Variants in ZBTB46 observed in about 807,000 individuals in gnomAD.
ZBTB46 encodes the protein zinc finger and BTB domain-containing protein 46.
In ZBTB46, 8 loss-of-function variants were observed where a neutral mutation model predicts 44.1. The observed-to-expected ratio is 0.18, with a 90% CI of 0.11 to 0.33. The LOEUF is 0.33. Among genes scored for constraint, ZBTB46 ranks in the 10% least tolerant of loss-of-function variants. ZBTB46 has a pLI of 1.00. For synonymous variants in ZBTB46, 409 were observed against 382.3 expected (o/e 1.07, Z -0.81); for missense variants, 651 against 847.7 (o/e 0.77, Z 2.88).
chr20:63,787,190 C>A lies in ZBTB46; in HGVS notation c.937+2631G>T, dbSNP rs1288488879. Among the ~76,000 whole-genome samples, 3 of 152,220 alleles carry A rather than the reference C, an allele frequency of 2.0e-5. No individual in the cohort carries two copies. Among genetic ancestry groups the A allele is most frequent in the Middle Eastern group, 3.4e-3 (1 of 292 alleles). ...AAGGGCATTTTGGTCAGGGATGGAC[C>A]ACAGATAACCACTGTGGTCCCGTAG... On this transcript the variant is annotated intron_variant, in intron 2 of 4. Transcript: ENST00000245663. This position sits in a 1 kb window ranked among gnomAD's most constrained non-coding sequence, Gnocchi z 4.6.
intron 3 of ZBTB46, among the ~76,000 whole-genome samples, chr20:63,753,108 T>A (rs988345865): frequency 2.6e-5 from 4 of 152,130 alleles, no homozygotes; most frequent in Non-Finnish European, 5.9e-5. Context: ...GCCCCAGCTC[T>A]CAGGAGATCT....
At chr20:63,801,466 G>C (rs1272069583) in intron 1 of ZBTB46, among the ~76,000 whole-genome samples, 1 of 152,198 alleles carries the variant, frequency 6.6e-6, no homozygotes, top group East Asian at 1.9e-4. Flanking sequence ...ATGTGGGTGG[G>C]GCCAGGTAAG....
At position 63,743,979 on chromosome 20, in the gene ZBTB46, CTTTT is replaced by C. The variant is rs1274005872; in HGVS notation, c.*2947_*2950del. The C allele has an allele frequency of 2.0e-5, 3 of 152,470 alleles. No individual in the cohort carries two copies. Among genetic ancestry groups the C allele is most frequent in the Admixed American group, 1.3e-4 (2 of 15,270 alleles). The allele number at this position is 152,470 out of a possible 1,614,324, so 9.4% of individuals were successfully genotyped here. ...AAATCAACAATCTTCAAACACTGCC[CTTTT>C]TTTGTGTGTTTTGTTTTTGTTGACA... is the stretch of plus-strand genomic sequence containing the variant. On this transcript the variant is annotated 3_prime_UTR_variant, in exon 5 of 5. Coordinates refer to ENST00000245663, the MANE Select transcript of ZBTB46 (RefSeq NM_001369741.1).
intron 2 of ZBTB46, among the ~76,000 whole-genome samples, chr20:63,788,665 C>T (rs971274011): frequency 2.9e-4 from 44 of 151,910 alleles, no homozygotes; most frequent in Non-Finnish European, 2.5e-4. Context: ...ATGGTGAAAC[C>T]CTGTCTCTAC....
chr20:63,822,652 G>A (rs1055721794), intron 1 of ZBTB46, among the ~76,000 whole-genome samples: 51 of 152,246 alleles, frequency 3.3e-4, no homozygotes, highest in African/African-American at 1.2e-3. Flanking sequence ...ACCACACGGC[G>A]AGCACAGGAC....
At chr20:63,749,772 C>G (rs1215007515) in intron 4 of ZBTB46, among the ~76,000 whole-genome samples, 1 of 152,210 alleles carries the variant, frequency 6.6e-6, no homozygotes, top group African/African-American at 2.4e-5. Context: ...AACACTGAGG[C>G]CCCTTGAGGC....
At chr20:63,778,987 G>A (rs2092446936) in intron 2 of ZBTB46, among the ~76,000 whole-genome samples, 1 of 152,116 alleles carries the variant, frequency 6.6e-6, no homozygotes, top group African/African-American at 2.4e-5. Flanking sequence ...ACCTGCAGAT[G>A]GCGGCAGGTG....
intron 2 of ZBTB46, among the ~76,000 whole-genome samples, chr20:63,783,553 G>C (rs905184235): frequency 7.9e-5 from 12 of 152,202 alleles, no homozygotes; most frequent in African/African-American, 2.9e-4. Flanking sequence ...CCCGTCACCA[G>C]CTGCTCCCCA....
rs2092661882 is a variant in ZBTB46, at chr20:63,803,414, G to A, written c.-33-12624C>T. The A allele has an allele frequency of 1.5e-5, 15 of 985,316 alleles. No individual in the cohort carries two copies. In the South Asian group the frequency reaches 4.7e-4, roughly 31 times the overall value. The allele number at this position is 985,316 out of a possible 1,614,324, so 61.0% of individuals were successfully genotyped here. ...CACTCCAAGACATGTTAGCAGAGTC[G>A]TCTTTCGACAGCGAGACCGGTGGTA... On this transcript the variant is annotated intron_variant, in intron 1 of 4. Coordinates refer to ENST00000245663, the MANE Select transcript of ZBTB46 (RefSeq NM_001369741.1). The surrounding 1 kb of genome is among the most constrained non-coding windows in gnomAD (Gnocchi z 4.0).
chr20:63,749,735 G>A (rs146329200), intron 4 of ZBTB46, among the ~76,000 whole-genome samples: 292 of 152,378 alleles, frequency 1.9e-3, no homozygotes, highest in African/African-American at 6.6e-3. Context: ...CACAGGCCCA[G>A]GAAGGGTTGG....
chr20:63,794,505 T>C (rs1270291234), intron 1 of ZBTB46, among the ~76,000 whole-genome samples: 1 of 152,110 alleles, frequency 6.6e-6, no homozygotes, highest in African/African-American at 2.4e-5. Context: ...AAAACGATAA[T>C]CTTCAAAAGA....
intron 1 of ZBTB46, among the ~76,000 whole-genome samples, chr20:63,810,548 C>T (rs952959554): frequency 3.3e-5 from 5 of 152,144 alleles, no homozygotes; most frequent in African/African-American, 9.7e-5. Flanking sequence ...GAGTTTGAGA[C>T]CGTCCTGGCC....
intron 2 of ZBTB46, among the ~76,000 whole-genome samples, chr20:63,785,015 C>T (rs902688813): frequency 1.2e-4 from 18 of 151,380 alleles, no homozygotes; most frequent in African/African-American, 3.9e-4. Flanking sequence ...AGGCGGATCA[C>T]GAGGTCAAGA....
intron 3 of ZBTB46, among the ~76,000 whole-genome samples, chr20:63,756,186 G>A (rs773066966): frequency 1.3e-5 from 2 of 152,170 alleles, no homozygotes; most frequent in African/African-American, 2.4e-5. Context: ...CTCCCAGTGC[G>A]CTTTCCGCTC....
At chr20:63,762,699 G>T (rs1472506842) in intron 3 of ZBTB46, among the ~76,000 whole-genome samples, 6 of 151,720 alleles carry the variant, frequency 4.0e-5, no homozygotes. Context: ...CAACTGAGCT[G>T]TTAGGAGCAA....
chr20:63,830,754 G>C (rs1163799048), intron 1 of ZBTB46, among the ~76,000 whole-genome samples: 3 of 147,240 alleles, frequency 2.0e-5, no homozygotes, highest in Non-Finnish European at 4.5e-5. Context: ...GGCGGCGGGA[G>C]GTGCCGGGGG....
intron 3 of ZBTB46, among the ~76,000 whole-genome samples, chr20:63,763,183 CTA>C: frequency 6.6e-6 from 1 of 152,112 alleles, no homozygotes; most frequent in South Asian, 2.1e-4. Context: ...TAAAAACAGG[CTA>C]TGTGTTTTGT....
intron 3 of ZBTB46, among the ~76,000 whole-genome samples, chr20:63,765,084 T>C (rs960398476): frequency 3.0e-4 from 11 of 36,406 alleles, no homozygotes; most frequent in Admixed American, 1.4e-3. Flanking sequence ...TGCGTGTGCA[T>C]GTGTGCATGT....
At chr20:63,821,667 CA>C (rs1403000353) in intron 1 of ZBTB46, among the ~76,000 whole-genome samples, 1 of 151,970 alleles carries the variant, frequency 6.6e-6, no homozygotes, top group Non-Finnish European at 1.5e-5. Context: ...AGGCTAGTCT[CA>C]AACTCCTGAC....
Sources: gnomAD v4.1 joint callset for allele counts (sites outside exome capture counted in the v4.1 genomes callset) on GRCh38, gnomAD v4.1.1 for gene constraint, Gnocchi (gnomAD v3.1) non-coding constraint, MANE v1.5 for transcripts, NCBI Gene and HGNC (gene_info 2026-07-23, HGNC 2026-07-21) for gene names.